Variants in MKI67 observed in about 807,000 individuals in gnomAD.
MKI67 encodes the protein proliferation marker protein Ki-67.
Under a neutral mutation model 233.5 loss-of-function variants are expected in MKI67, and 152 were observed. That is an observed-to-expected ratio of 0.65 (90% CI 0.57 to 0.74). The LOEUF is 0.74. Ranked by LOEUF, MKI67 falls within the 30% of genes least tolerant of loss-of-function variation. MKI67 has a pLI of 0.00. For synonymous variants in MKI67, 1,465 were observed against 1,418.5 expected (o/e 1.03, Z -0.74); for missense variants, 3,940 against 3,885.2 (o/e 1.01, Z -0.37).
In MKI67 at chr10:128,101,683, T is replaced by C. The variant is rs779287944; in HGVS notation, c.9280A>G (p.Arg3094Gly). The C allele has an allele frequency of 6.2e-6, 10 of 1,601,032 alleles. No homozygotes were observed. In the South Asian group the frequency reaches 1.1e-4, roughly 18 times the overall value. ...TCTGCCTCAGTCTTATTTTGGCGTC[T>C]GGAGCGCAGGGATATTCCCTAAAGA... ...PENKGISLRS[R>G]RQNKTEAEQQ... Residue 3094 changes from arginine to glycine, a missense_variant, in exon 14 of 15, where the codon AGA (arginine) becomes GGA (glycine). By Grantham distance (125) the Arg-to-Gly change is moderately radical (BLOSUM62 -2). Coordinates refer to ENST00000368654, the MANE Select transcript of MKI67 (RefSeq NM_002417.5).
chr10:128,107,401 G>A lies in MKI67; in HGVS notation c.4439C>T (p.Thr1480Ile). The A allele has an allele frequency of 6.2e-7, 1 of 1,613,706 alleles. No individual in the cohort carries two copies. The highest frequency in any genetic ancestry group is 8.5e-7 in the Non-Finnish European group (1 of 1,179,954). The change falls in exon 13 of 15, where the codon ACT becomes ATT. Residue 1480 changes from threonine to isoleucine, a missense_variant. By Grantham distance (89) the Thr-to-Ile change is moderately conservative. Coordinates refer to ENST00000368654, the MANE Select transcript of MKI67 (RefSeq NM_002417.5). ...LKELFQTPVC[T>I]DKPTTHEKTT... The stretch of plus-strand genomic sequence containing the variant: ...TTTCTCGTGAGTCGTGGGCTTGTCA[G>A]TGCATACTGGTGTCTGGAAGAGCTC...
At position 128,112,440 on chromosome 10, in the gene MKI67, C is replaced by T; in HGVS notation, c.1662G>A (p.Gln554=). The T allele has an allele frequency of 1.2e-6, 2 of 1,613,322 alleles. No individual in the cohort carries two copies. The highest frequency in any genetic ancestry group is 8.5e-7 in the Non-Finnish European group (1 of 1,179,466). ...PPVLKKIIKE[Q]PQPSGKQESG... is the part of the protein sequence containing the mutation. ...ACTCTTGTTTTCCTGATGGTTGAGG[C>T]TGTTCCTGACAAGACAAAATTGTTT... is the stretch of plus-strand genomic sequence containing the variant. The change falls in exon 9 of 15, where the codon CAG becomes CAA. Residue 554 remains glutamine, a synonymous_variant. Transcript: ENST00000368654.
At chr10:128,114,766 A>C (rs1328652157) in intron 7 of MKI67, among the ~76,000 whole-genome samples, 162 bp downstream of exon 7, 1 of 152,162 alleles carries the variant, frequency 6.6e-6, no homozygotes, top group Non-Finnish European at 1.5e-5. Context: ...TTCAGTATTC[A>C]TCTATTAGCG....
intron 12 of MKI67, among the ~76,000 whole-genome samples, chr10:128,110,156 C>T (rs919361150): frequency 3.8e-4 from 58 of 152,214 alleles, no homozygotes; most frequent in African/African-American, 1.4e-3. Context: ...AGGTCATTTA[C>T]ACACATTAAC....
chr10:128,104,052 A>T lies in MKI67; in HGVS notation c.7788T>A (p.Thr2596=), dbSNP rs1189561652. The T allele has an allele frequency of 6.2e-7, 1 of 1,613,550 alleles. No homozygotes were observed. Residue 2596 remains threonine, a synonymous_variant, in exon 13 of 15, where the codon ACT becomes ACA. Coordinates refer to ENST00000368654, the MANE Select transcript of MKI67 (RefSeq NM_002417.5). ...CKSPPPELTD[T]ATSTKRCPKT... ...TGGGGCATCTCTTTGTGCTCGTGGCAGTGTCTGTTAGTTCTGGTGGGGGAG... is the reference window on the plus strand; with the variant it reads ...TGGGGCATCTCTTTGTGCTCGTGGCTGTGTCTGTTAGTTCTGGTGGGGGAG...
In MKI67 at chr10:128,115,759, C is replaced by A. The variant is rs1852789521; in HGVS notation, c.649G>T (p.Glu217Ter). The A allele has an allele frequency of 6.2e-7, 1 of 1,613,242 alleles. No individual in the cohort carries two copies. The highest frequency in any genetic ancestry group is 1.7e-5 in the Admixed American group (1 of 60,002). Residue 217 changes from glutamate to a stop codon, truncating the protein, a stop_gained, in exon 7 of 15, where the codon GAA (glutamate) becomes TAA (stop). Transcript: ENST00000368654. LOFTEE classifies it high-confidence loss of function. ...TGTGTAGTGGGAACAGACTTCAATT[C>A]TCCATAACGGCTCACTAATTTAACG... is the stretch of plus-strand genomic sequence containing the variant. ...SSVKLVSRYG[E>*]LKSVPTTQCL...
rs1852692276 is a variant in MKI67, at chr10:128,112,113, T to C, written c.1969+20A>G. On this transcript the variant is annotated intron_variant, in intron 9 of 14. Coordinates refer to ENST00000368654, the MANE Select transcript of MKI67 (RefSeq NM_002417.5). The stretch of plus-strand genomic sequence containing the variant: ...ATGAAAAAATTCACCTTAATATATG[T>C]ATTCTAATGTCAGACTAACCAATCA... The C allele has an allele frequency of 6.2e-7, 1 of 1,611,104 alleles. No homozygotes were observed. Among genetic ancestry groups the C allele is most frequent in the East Asian group, 2.2e-5 (1 of 44,854 alleles).
Position 128,123,013 on chromosome 10 carries a change from G to A in MKI67, c.172-17C>T, listed in dbSNP as rs776316914. 9 of 1,573,070 alleles carry A rather than the reference G, an allele frequency of 5.7e-6. No individual in the cohort carries two copies. The African/African-American group carries it at 1.1e-4, about 19-fold the overall frequency. ...TAATATTGCCTGCAAGTGAAAAGAA[G>A]GGGAAATATGTAACTAATGAACAGA... On this transcript the variant is annotated splice_polypyrimidine_tract_variant and intron_variant, in intron 3 of 14. Transcript: ENST00000368654.
Position 128,122,940 on chromosome 10 carries a change from A to C in MKI67, c.228T>G (p.Ile76Met). The C allele has an allele frequency of 6.2e-7, 1 of 1,608,826 alleles. No homozygotes were observed. The highest frequency in any genetic ancestry group is 8.5e-7 in the Non-Finnish European group (1 of 1,176,146). ...TNPTQVNGSV[I>M]DEPVRLKHGD... Reference sequence around the variant, plus strand: ...CATGTTTTAGCCGTACAGGCTCATCAATAACAGACCCATTTACTTGTGTTG... The same window carrying C: ...CATGTTTTAGCCGTACAGGCTCATCCATAACAGACCCATTTACTTGTGTTG... Residue 76 changes from isoleucine (I) to methionine (M), a missense_variant, in exon 4 of 15, where the codon ATT (isoleucine) becomes ATG (methionine). Transcript: ENST00000368654.
Position 128,103,631 on chromosome 10 carries a change from G to C in MKI67, c.8209C>G (p.Pro2737Ala), listed in dbSNP as rs748493223. ...RVQKVQVKEEPSAVKFTQTSG... is the reference protein window; with the variant it reads ...RVQKVQVKEEASAVKFTQTSG... ...GTTTGTGTGAACTTGACTGCTGAAG[G>C]CTCTTCTTTTACTTGTACCTTCTGC... Residue 2737 changes from proline to alanine, a missense_variant, in exon 13 of 15, where the codon CCT becomes GCT. Pro to Ala is a conservative substitution (Grantham distance 27, BLOSUM62 -1). Transcript: ENST00000368654. 5 of 1,613,968 alleles carry C rather than the reference G, an allele frequency of 3.1e-6. No individual in the cohort carries two copies. The African/African-American group carries it at 5.3e-5, about 17-fold the overall frequency.
At position 128,103,378 on chromosome 10, in the gene MKI67, GT is replaced by G. The variant is rs1852389947; in HGVS notation, c.8461del (p.Thr2821LeufsTer11). The G allele has an allele frequency of 6.2e-7, 1 of 1,613,950 alleles. No individual in the cohort carries two copies. The highest frequency in any genetic ancestry group is 8.5e-7 in the Non-Finnish European group (1 of 1,180,038). ...TEESMTDDKT[T>X]KIPCKSSPEL... ...TGGTGATGATTTGCAGGGTATTTTAGTGGTTTTGTCATCAGTCATTGATTCT... is the reference window on the plus strand; with the variant it reads ...TGGTGATGATTTGCAGGGTATTTTAGGGTTTTGTCATCAGTCATTGATTCT... On this transcript the variant is annotated frameshift_variant, in exon 13 of 15. Transcript: ENST00000368654. LOFTEE classifies it high-confidence loss of function.
chr10:128,107,273 C>T lies in MKI67; in HGVS notation c.4567G>A (p.Glu1523Lys), dbSNP rs1168127731. Residue 1523 changes from glutamate to lysine, a missense_variant, in exon 13 of 15, where the codon GAA becomes AAA. Glu to Lys is a moderately conservative substitution (Grantham distance 56). Coordinates refer to ENST00000368654, the MANE Select transcript of MKI67 (RefSeq NM_002417.5). The stretch of plus-strand genomic sequence containing the variant: ...GTTCGTTTCCTGAGTGCGAAGAATT[C>T]TTCTTCTACGTCCACTTTCCTGAGA... ...RSLRKVDVEE[E>K]FFALRKRTPS... The T allele has an allele frequency of 6.2e-6, 10 of 1,613,724 alleles. No homozygotes were observed. The highest frequency in any genetic ancestry group is 1.3e-5 in the African/African-American group (1 of 74,676).
At chr10:128,112,854 GGAAA>G (rs1289648365) in intron 8 of MKI67, among the ~76,000 whole-genome samples, 7 of 152,108 alleles carry the variant, frequency 4.6e-5, no homozygotes, top group African/African-American at 1.2e-4. Context: ...GGGAAGAGAA[GGAAA>G]GAAAGACCGC....
intron 14 of MKI67, among the ~76,000 whole-genome samples, chr10:128,099,970 G>A (rs1164113588): frequency 5.3e-5 from 8 of 152,176 alleles, no homozygotes; most frequent in South Asian, 2.1e-4. Context: ...TAAAAGATTC[G>A]CTTTCACCCT....
In MKI67 at chr10:128,112,598, G is replaced by A. The variant is rs2136142646; in HGVS notation, c.1657-153C>T. The A allele has an allele frequency of 3.9e-6, 3 of 770,764 alleles. No individual in the cohort carries two copies. The East Asian group carries it at 7.5e-5, about 19-fold the overall frequency. 47.7% of individuals were successfully genotyped at this position (770,764 alleles called of 1,614,324 possible). ...TGTCTTTGAAGACTATGGTAGAGGT[G>A]AGACTGTCTCAGTCATTTAAGGAAA... On this transcript the variant is annotated intron_variant, in intron 8 of 14. Coordinates refer to ENST00000368654, the MANE Select transcript of MKI67 (RefSeq NM_002417.5).
Position 128,105,253 on chromosome 10 carries a change from C to A in MKI67, c.6587G>T (p.Gly2196Val). 2 of 1,614,026 alleles carry A rather than the reference C, an allele frequency of 1.2e-6. No homozygotes were observed. The highest frequency in any genetic ancestry group is 1.7e-6 in the Non-Finnish European group (2 of 1,180,018). Residue 2196 changes from glycine to valine, a missense_variant, in exon 13 of 15, where the codon GGC (glycine) becomes GTC (valine). Coordinates refer to ENST00000368654, the MANE Select transcript of MKI67 (RefSeq NM_002417.5). The part of the protein sequence containing the change: ...GKAQPLEDLA[G>V]LKELFQTPIC... ...TGGTGTCTGGAAGAGCTCTTTCAAG[C>A]CAGCCAAGTCTTCTAGGGGTTGGGC...
chr10:128,101,690 C>T lies in MKI67; in HGVS notation c.9273G>A (p.Leu3091=). Residue 3091 remains leucine, a synonymous_variant, in exon 14 of 15, where the codon CTG becomes CTA. Transcript: ENST00000368654. ...DSVPENKGIS[L]RSRRQNKTEA... is the part of the protein sequence containing the mutation. ...CAGTCTTATTTTGGCGTCTGGAGCG[C>T]AGGGATATTCCCTAAAGAAATGAGA... 2 of 1,585,916 alleles carry T rather than the reference C, an allele frequency of 1.3e-6. No individual in the cohort carries two copies. Among genetic ancestry groups the T allele is most frequent in the Non-Finnish European group, 1.7e-6 (2 of 1,169,494 alleles).
Position 128,109,005 on chromosome 10 carries a change from C to T in MKI67, c.2835G>A (p.Met945Ile). Residue 945 changes from methionine to isoleucine, a missense_variant, in exon 13 of 15, where the codon ATG becomes ATA. By Grantham distance (10) the Met-to-Ile change is conservative. Coordinates refer to ENST00000368654, the MANE Select transcript of MKI67 (RefSeq NM_002417.5). ...AAGTTCTTGATCTCTTCATTGCTTT[C>T]ATCTTTTCATCGTTTTCTTTTAATT... ...NIELKENDEK[M>I]KAMKRSRTWG... 1 of 1,614,190 alleles carries T rather than the reference C, an allele frequency of 6.2e-7. No individual in the cohort carries two copies. The highest frequency in any genetic ancestry group is 8.5e-7 in the Non-Finnish European group (1 of 1,180,036).
intron 7 of MKI67, 29 bp from the exon 8 acceptor site, chr10:128,113,631 A>G: frequency 6.3e-7 from 1 of 1,597,782 alleles, no homozygotes; most frequent in African/African-American, 1.3e-5. Flanking sequence ...ATGTGGAAAG[A>G]GCAATGAAAA....
Sources: gnomAD v4.1 joint callset for allele counts (sites outside exome capture counted in the v4.1 genomes callset) on GRCh38, gnomAD v4.1.1 for gene constraint, MANE v1.5 for transcripts, NCBI Gene and HGNC (gene_info 2026-07-23, HGNC 2026-07-21) for gene names.